The following ANKRD44 variants were observed in gnomAD, a reference collection of about 807,000 sequenced individuals.
The protein encoded by ANKRD44 is ankyrin repeat domain 44.
Under a neutral mutation model 116.0 loss-of-function variants are expected in ANKRD44, and 35 were observed. That is an observed-to-expected ratio of 0.30 (90% CI 0.23 to 0.40). The LOEUF is 0.40. Among genes scored for constraint, ANKRD44 ranks in the 10% least tolerant of loss-of-function variants. The probability of loss-of-function intolerance (pLI) is 1.00; values close to 1 mark genes in which losing one functional copy is unlikely to be tolerated. For missense variants in ANKRD44, 1,014 were observed against 1,242.6 expected (o/e 0.82, Z 2.77); for synonymous variants, 435 against 461.8 (o/e 0.94, Z 0.74).
chr2:197,271,347 C>T (rs1268242175), intron 1 of ANKRD44, among the ~76,000 whole-genome samples: 3 of 152,220 alleles, frequency 2.0e-5, no homozygotes, highest in African/African-American at 7.2e-5. Context: ...CATGTGAGGA[C>T]TGTGCAAGAA....
chr2:197,251,862 T>C (rs1322731107), intron 1 of ANKRD44, among the ~76,000 whole-genome samples: 5 of 152,228 alleles, frequency 3.3e-5, no homozygotes, highest in Non-Finnish European at 5.9e-5. Context: ...ATCTTAGCTA[T>C]AAAAATATGA....
At chr2:197,266,160 G>T (rs2082736069) in intron 1 of ANKRD44, among the ~76,000 whole-genome samples, 1 of 152,102 alleles carries the variant, frequency 6.6e-6, no homozygotes. Context: ...GGCCAGGCTG[G>T]AACTCATAGT....
At chr2:197,063,393 C>T (rs950528531) in intron 16 of ANKRD44, among the ~76,000 whole-genome samples, 2 of 152,126 alleles carry the variant, frequency 1.3e-5, no homozygotes, top group African/African-American at 2.4e-5. Context: ...AAAATCAGAG[C>T]GTCTCTCCCC....
rs557250941 is a variant in ANKRD44, at chr2:197,001,684, A to G, written c.2435+69T>C. The G allele has an allele frequency of 2.4e-4, 296 of 1,257,976 alleles. 1 individual carries two copies. The African/African-American group carries it at 3.7e-3, about 16-fold the overall frequency. The allele number at this position is 1,257,976 out of a possible 1,614,324, so 77.9% of individuals were successfully genotyped here. ...TAATCTAAAAGACTTTTTTCCCTACAAAGCAACTTTTCTATGTGTAGTTAA... is the reference window on the plus strand; with the variant it reads ...TAATCTAAAAGACTTTTTTCCCTACGAAGCAACTTTTCTATGTGTAGTTAA... On this transcript the variant is annotated intron_variant, in intron 22 of 27. Transcript: ENST00000282272.
chr2:197,153,431 C>T (rs2079715451), intron 2 of ANKRD44, among the ~76,000 whole-genome samples: 1 of 151,902 alleles, frequency 6.6e-6, no homozygotes, highest in Non-Finnish European at 1.5e-5. Context: ...AAGAAGATGT[C>T]TAAAGAAACT....
At chr2:197,128,659 A>C (rs1328781161) in intron 4 of ANKRD44, among the ~76,000 whole-genome samples, 2 of 152,090 alleles carry the variant, frequency 1.3e-5, no homozygotes, top group Admixed American at 6.6e-5. Flanking sequence ...TCATTTGTCA[A>C]TTTTTGCTTT....
In ANKRD44 at chr2:197,142,276, C is replaced by T. The variant is rs555986009; in HGVS notation, c.190+4751G>A. Among the ~76,000 whole-genome samples the T allele has an allele frequency of 1.9e-3, 290 of 152,176 alleles. 1 individual carries two copies. Among genetic ancestry groups the T allele is most frequent in the African/African-American group, 6.5e-3 (270 of 41,502 alleles). ...CTAGAAAGAAGTAGAATAAAGAAAA[C>T]GGAAGTGGTGTGATAAGGGTGGACT... is the stretch of plus-strand genomic sequence containing the variant. On this transcript the variant is annotated intron_variant, in intron 3 of 27. Coordinates refer to ENST00000282272, the MANE Select transcript of ANKRD44 (RefSeq NM_001195144.2).
At chr2:197,035,799 G>A (rs1040178089) in intron 16 of ANKRD44, among the ~76,000 whole-genome samples, 1 of 152,078 alleles carries the variant, frequency 6.6e-6, no homozygotes, top group Non-Finnish European at 1.5e-5. Flanking sequence ...GCCCAGAACG[G>A]GGGGCTGAGT....
intron 16 of ANKRD44, among the ~76,000 whole-genome samples, chr2:197,058,789 G>A (rs1232762457): frequency 6.6e-6 from 1 of 152,210 alleles, no homozygotes; most frequent in Non-Finnish European, 1.5e-5. Flanking sequence ...CTCAGTTGAA[G>A]TCCTGCACTG....
At chr2:197,190,814 C>T (rs1425819737) in intron 1 of ANKRD44, among the ~76,000 whole-genome samples, 1 of 152,206 alleles carries the variant, frequency 6.6e-6, no homozygotes, top group Non-Finnish European at 1.5e-5. Context: ...TTAAATAAGG[C>T]TTAGAAGCAA....
At chr2:197,084,379 T>C (rs2077871096) in intron 13 of ANKRD44, among the ~76,000 whole-genome samples, 1 of 152,234 alleles carries the variant, frequency 6.6e-6, no homozygotes, top group African/African-American at 2.4e-5. Context: ...CTTTAGTTTG[T>C]CTAAGATGGC....
At chr2:197,030,444 C>T (rs868778169) in intron 16 of ANKRD44, among the ~76,000 whole-genome samples, 1 of 152,044 alleles carries the variant, frequency 6.6e-6, no homozygotes, top group African/African-American at 2.4e-5. Context: ...GCAGGACATT[C>T]ATTTTTTTGG....
intron 1 of ANKRD44, among the ~76,000 whole-genome samples, chr2:197,296,867 T>C (rs1462752437): frequency 6.6e-6 from 1 of 152,236 alleles, no homozygotes; most frequent in African/African-American, 2.4e-5. Context: ...TTAAGTCACA[T>C]TTTATCAGAG....
Position 196,993,630 on chromosome 2 carries a change from T to C in ANKRD44, c.2876A>G (p.Glu959Gly), listed in dbSNP as rs2075959900. The C allele has an allele frequency of 6.4e-7, 1 of 1,550,942 alleles. No individual in the cohort carries two copies. Among genetic ancestry groups the C allele is most frequent in the African/African-American group, 1.4e-5 (1 of 73,154 alleles). The part of the protein sequence containing the change: ...AARNGLKVVV[E>G]ELLAKGACVL... ...ACAGGCCCCTTTGGCCAGCAACTCC[T>C]CAACTACCACCTTTAAGCCATTGCG... Residue 959 changes from glutamate to glycine, a missense_variant, in exon 27 of 28, where the codon GAG becomes GGG. Coordinates refer to ENST00000282272, the MANE Select transcript of ANKRD44 (RefSeq NM_001195144.2).
chr2:196,974,418 G>C (rs2075742048), intron 21 of ANKRD44, among the ~76,000 whole-genome samples: 1 of 151,894 alleles, frequency 6.6e-6, no homozygotes, highest in South Asian at 2.1e-4. Context: ...GTGAGTCAAA[G>C]AAGAAGTTAC....
At position 197,249,289 on chromosome 2, in the gene ANKRD44, T is replaced by TA. The variant is rs1172235438; in HGVS notation, c.27+61288dup. The stretch of plus-strand genomic sequence containing the variant: ...CCTTGTCTCAAAAAATGTACAGAAA[T>TA]AAAAAAAGAAATTTTTAAAAGAAAA... On this transcript the variant is annotated intron_variant, in intron 1 of 27. Transcript: ENST00000282272. 2.6e-5 allele frequency among the ~76,000 whole-genome samples: 4 copies of TA among 152,044 alleles called. No individual in the cohort carries two copies. In the East Asian group the frequency reaches 5.8e-4, roughly 22 times the overall value.
At chr2:197,306,557 G>T (rs1183222988) in intron 1 of ANKRD44, among the ~76,000 whole-genome samples, 1 of 152,146 alleles carries the variant, frequency 6.6e-6, no homozygotes, top group Non-Finnish European at 1.5e-5. Flanking sequence ...AACCAGAAAA[G>T]GTTCTAAATA....
chr2:197,248,578 G>GTGTATATATATATATATATATATATATA (rs544362365), intron 1 of ANKRD44, among the ~76,000 whole-genome samples: 5 of 144,254 alleles, frequency 3.5e-5, no homozygotes, highest in African/African-American at 1.3e-4. Flanking sequence ...GTGTGTGTGT[G>GTGTATATATATATATATATATATATATA]TATATATATA....
chr2:197,294,403 AG>A (rs58922053), intron 1 of ANKRD44, among the ~76,000 whole-genome samples: 43,184 of 151,964 alleles, frequency 0.28, 7,438 homozygotes, highest in East Asian at 0.47. Context: ...CTCGCTAACC[AG>A]TTCAAGGTGC....
Sources: gnomAD v4.1 joint callset for allele counts (sites outside exome capture counted in the v4.1 genomes callset) on GRCh38, gnomAD v4.1.1 for gene constraint, MANE v1.5 for transcripts, NCBI Gene and HGNC (gene_info 2026-07-23, HGNC 2026-07-21) for gene names.